The following CELF2 variants were observed in gnomAD, a reference collection of about 807,000 sequenced individuals.
The protein encoded by CELF2 is CUGBP Elav-like family member 2.
CELF2 carries 8 observed loss-of-function variants against 62.6 expected under a neutral mutation model. The observed-to-expected ratio is 0.13, with a 90% CI of 0.07 to 0.23. The LOEUF (loss-of-function observed/expected upper bound fraction) is 0.23. Ranked by LOEUF, CELF2 falls within the 10% of genes least tolerant of loss-of-function variation. The pLI is 1.00. For missense variants in CELF2, 333 were observed against 671.0 expected (o/e 0.50, Z 5.56); for synonymous variants, 258 against 250.0 (o/e 1.03, Z -0.30).
At chr10:11,025,925 G>A (rs2059123715) in intron 1 of CELF2, among the ~76,000 whole-genome samples, 1 of 152,206 alleles carries the variant, frequency 6.6e-6, no homozygotes, top group African/African-American at 2.4e-5. Context: ...CCATGTTACT[G>A]GGTGAAAAGC....
chr10:11,087,733 C>T (rs528144444), intron 1 of CELF2, among the ~76,000 whole-genome samples: 55 of 152,272 alleles, frequency 3.6e-4, no homozygotes, highest in Middle Eastern at 6.8e-3. Flanking sequence ...TGAACCCCAC[C>T]CTGCGTTGCT....
At chr10:11,032,053 T>C (rs1476559964) in intron 1 of CELF2, among the ~76,000 whole-genome samples, 1 of 150,634 alleles carries the variant, frequency 6.6e-6, no homozygotes, top group African/African-American at 2.4e-5. Context: ...GTTGAGAAAG[T>C]TGGTTGAGGT....
At chr10:10,611,125 G>A in the CELF2 span, among the ~76,000 whole-genome samples, 5 of 152,124 alleles carry the variant, frequency 3.3e-5, no homozygotes, top group African/African-American at 1.2e-4. Context: ...GTATTCCTCT[G>A]TATCCCCTGA....
At chr10:11,202,174 A>G (rs2059367987) in intron 2 of CELF2, among the ~76,000 whole-genome samples, 1 of 152,244 alleles carries the variant, frequency 6.6e-6, no homozygotes, top group Admixed American at 6.5e-5. Context: ...CTTGGAATTT[A>G]TCATCTAATG....
the CELF2 span, among the ~76,000 whole-genome samples, chr10:10,770,800 T>C: frequency 6.6e-6 from 1 of 152,214 alleles, no homozygotes; most frequent in East Asian, 1.9e-4. Flanking sequence ...TCATAAGATG[T>C]TAATGGATGA....
chr10:10,591,538 T>A, the CELF2 span, among the ~76,000 whole-genome samples: 20 of 152,292 alleles, frequency 1.3e-4, no homozygotes, highest in African/African-American at 4.8e-4. Context: ...TCTTTTCTCC[T>A]TTAGATTTCT....
chr10:10,808,185 C>T (rs368341849), intron 1 of CELF2, among the ~76,000 whole-genome samples: 78 of 152,224 alleles, frequency 5.1e-4, no homozygotes, highest in African/African-American at 1.5e-3. Context: ...TTATGACTGA[C>T]GACATCACAC....
rs764164019 is a variant in CELF2 at position 11,010,543 on chromosome 10, A to G, written c.53+5103A>G. ...TTTGATCTTGTATAATTTAATCCTC[A>G]GATATCCAAGAGTTAATGGTAGTTG... On this transcript the variant is annotated intron_variant, in intron 1 of 12. Transcript: ENST00000416382. The surrounding 1 kb of genome is among the most constrained non-coding windows in gnomAD (Gnocchi z 4.1). Among the ~76,000 whole-genome samples, 3 of 152,224 alleles carry G rather than the reference A, an allele frequency of 2.0e-5. No homozygotes were observed. The highest frequency in any genetic ancestry group is 7.2e-5 in the African/African-American group (3 of 41,454).
At chr10:10,821,245 T>C (rs2056937377) in intron 1 of CELF2, among the ~76,000 whole-genome samples, 1 of 152,170 alleles carries the variant, frequency 6.6e-6, no homozygotes, top group African/African-American at 2.4e-5. Context: ...GGTGACTGTC[T>C]GGCTCTGGAA....
intron 1 of CELF2, among the ~76,000 whole-genome samples, chr10:11,029,022 G>A (rs1204143204): frequency 6.6e-6 from 1 of 152,196 alleles, no homozygotes; most frequent in Non-Finnish European, 1.5e-5. Flanking sequence ...CCAAGGACAC[G>A]ATTTTGATGG....
At chr10:10,945,639 C>A (rs1037372813) in intron 2 of CELF2, among the ~76,000 whole-genome samples, 7 of 152,186 alleles carry the variant, frequency 4.6e-5, no homozygotes, top group African/African-American at 1.7e-4. Flanking sequence ...CACTGTGGCT[C>A]AGTGGAGGCG....
chr10:11,203,272 C>T (rs1465950478), intron 2 of CELF2, among the ~76,000 whole-genome samples: 1 of 151,994 alleles, frequency 6.6e-6, no homozygotes, highest in Non-Finnish European at 1.5e-5. Context: ...ATCCTGAAAT[C>T]AAGGAAATAT....
In CELF2 at chr10:10,993,579, C is replaced by G. The variant is rs2136761516; in HGVS notation, c.89+73580C>G. ...AGCTATATTTACATAATTGTGGCAGCAAAAGAGAATGCCTGCCAAGGTTAT... is the reference window on the plus strand; with the variant it reads ...AGCTATATTTACATAATTGTGGCAGGAAAAGAGAATGCCTGCCAAGGTTAT... On this transcript the variant is annotated intron_variant, in intron 2 of 13. Coordinates refer to the CELF2 transcript ENST00000636488. The surrounding 1 kb of genome is among the most constrained non-coding windows in gnomAD (Gnocchi z 5.3). Among the ~76,000 whole-genome samples the G allele has an allele frequency of 6.6e-6, 1 of 152,174 alleles. No individual in the cohort carries two copies. Among genetic ancestry groups the G allele is most frequent in the African/African-American group, 2.4e-5 (1 of 41,512 alleles).
At chr10:10,906,372 G>A (rs1002622345) in intron 1 of CELF2, among the ~76,000 whole-genome samples, 8 of 152,124 alleles carry the variant, frequency 5.3e-5, no homozygotes, top group Admixed American at 2.0e-4. Context: ...AGCACTTTGC[G>A]CCAGCCACTC....
At chr10:10,625,833 C>T in the CELF2 span, among the ~76,000 whole-genome samples, 1 of 152,232 alleles carries the variant, frequency 6.6e-6, no homozygotes, top group Non-Finnish European at 1.5e-5. Context: ...GTTTGGGCCT[C>T]TATGCACCAG....
intron 1 of CELF2, among the ~76,000 whole-genome samples, chr10:11,033,177 G>A (rs749935660): frequency 5.3e-5 from 8 of 151,998 alleles, no homozygotes; most frequent in Non-Finnish European, 1.2e-4. Context: ...CTGTCCAGTG[G>A]TGAGGTGTGA....
At chr10:10,755,849 A>G in the CELF2 span, among the ~76,000 whole-genome samples, 5 of 152,302 alleles carry the variant, frequency 3.3e-5, no homozygotes, top group South Asian at 1.0e-3. Flanking sequence ...AAATGAGAGA[A>G]TGGATGCCAG....
the CELF2 span, among the ~76,000 whole-genome samples, chr10:10,547,673 T>TAGAG: frequency 0.088 from 11,938 of 134,894 alleles, 760 homozygotes; most frequent in East Asian, 0.25. Context: ...ACCAAAAAGA[T>TAGAG]AGAGAGAGAG....
chr10:10,917,124 G>C (rs1405457826), intron 1 of CELF2, among the ~76,000 whole-genome samples: 1 of 152,088 alleles, frequency 6.6e-6, no homozygotes, highest in Non-Finnish European at 1.5e-5. Context: ...AAATTACAGT[G>C]ATTGCCAGTA....
Sources: gnomAD v4.1 joint callset for allele counts (sites outside exome capture counted in the v4.1 genomes callset) on GRCh38, gnomAD v4.1.1 for gene constraint, Gnocchi (gnomAD v3.1) non-coding constraint, MANE v1.5 for transcripts, NCBI Gene and HGNC (gene_info 2026-07-23, HGNC 2026-07-21) for gene names.